Variants in RABEP1 observed in about 807,000 individuals in gnomAD.
The protein encoded by RABEP1 is rab GTPase-binding effector protein 1.
RABEP1 carries 51 observed loss-of-function variants against 123.4 expected under a neutral mutation model. That is an observed-to-expected ratio of 0.41 (90% confidence interval 0.33 to 0.52). The LOEUF is 0.52. RABEP1 is among the 20% of genes least tolerant of loss of function. The pLI is 0.16. For synonymous variants in RABEP1, 347 were observed against 355.2 expected (o/e 0.98, Z 0.26); for missense variants, 888 against 996.3 (o/e 0.89, Z 1.46).
chr17:5,307,011 A>G (rs2075185173), intron 1 of RABEP1, among the ~76,000 whole-genome samples: 1 of 152,140 alleles, frequency 6.6e-6, no homozygotes, highest in Admixed American at 6.6e-5. Flanking sequence ...ATCTGCATAG[A>G]AGAGAACTTT....
intron 11 of RABEP1, among the ~76,000 whole-genome samples, chr17:5,365,465 C>G (rs369185325): frequency 6.6e-6 from 1 of 152,204 alleles, no homozygotes; most frequent in East Asian, 1.9e-4. Flanking sequence ...TTCTGATTCT[C>G]CTTTCCTTTA....
chr17:5,318,421 G>A (rs1189675132), intron 2 of RABEP1, among the ~76,000 whole-genome samples: 2 of 152,146 alleles, frequency 1.3e-5, no homozygotes, highest in Non-Finnish European at 2.9e-5. Context: ...GTAAGCCAAT[G>A]TAAGTAAAAA....
intron 5 of RABEP1, 161 bp downstream of exon 5, chr17:5,338,299 C>A (rs547563926): frequency 1.2e-6 from 1 of 866,632 alleles, no homozygotes; most frequent in Non-Finnish European, 1.6e-6. Flanking sequence ...AGGTGGCTCA[C>A]GCCTGTAATC....
intron 7 of RABEP1, among the ~76,000 whole-genome samples, chr17:5,353,992 A>G (rs562165895): frequency 2.0e-5 from 3 of 152,156 alleles, no homozygotes; most frequent in African/African-American, 7.2e-5. Context: ...CTCAAAAACA[A>G]ACTTTTTCAT....
At position 5,319,340 on chromosome 17, in the gene RABEP1, A is replaced by C. The variant is rs928142684; in HGVS notation, c.163+10518A>C. ...GAGACTCTGTCTCAAAAAAAAAAAA[A>C]ACAAAAAAACAAAAAAAAAAAACAT... On this transcript the variant is annotated intron_variant, in intron 2 of 17. Coordinates refer to ENST00000537505, the MANE Select transcript of RABEP1 (RefSeq NM_004703.6). 8.2e-5 allele frequency among the ~76,000 whole-genome samples: 10 copies of C among 121,372 alleles called. 1 individual carries two copies. The East Asian group carries it at 1.1e-3, about 13-fold the overall frequency. 79.6% of individuals were successfully genotyped at this position (121,372 alleles called of 152,430 possible).
intron 14 of RABEP1, 54 bp downstream of exon 14, chr17:5,377,359 TAAA>T: frequency 6.9e-7 from 1 of 1,443,310 alleles, no homozygotes; most frequent in East Asian, 2.3e-5. Context: ...AAAACTTTAG[TAAA>T]AGAAGCAATA....
intron 13 of RABEP1, among the ~76,000 whole-genome samples, chr17:5,376,892 A>T (rs1369248551): frequency 6.6e-6 from 1 of 152,228 alleles, no homozygotes; most frequent in Non-Finnish European, 1.5e-5. Flanking sequence ...AGGGAAGAGT[A>T]TGTGGCTTAC....
At chr17:5,319,516 G>A (rs1305675516) in intron 2 of RABEP1, among the ~76,000 whole-genome samples, 2 of 151,578 alleles carry the variant, frequency 1.3e-5, no homozygotes, top group African/African-American at 2.4e-5. Flanking sequence ...ACAGGCGCCC[G>A]CCACCACACC....
intron 12 of RABEP1, among the ~76,000 whole-genome samples, chr17:5,369,741 C>T (rs1910375698): frequency 1.3e-5 from 2 of 151,638 alleles, no homozygotes; most frequent in African/African-American, 4.9e-5. Flanking sequence ...GCTTTTGTTG[C>T]CTAGGCTGGA....
chr17:5,378,446 G>T (rs1157905331), intron 15 of RABEP1: 9 of 634,822 alleles, frequency 1.4e-5, no homozygotes, highest in Non-Finnish European at 2.6e-5. Flanking sequence ...AGGAGGTAAG[G>T]CTAAGATGTG....
At chr17:5,288,691 G>C (rs567103416) in intron 1 of RABEP1, among the ~76,000 whole-genome samples, 1 of 151,788 alleles carries the variant, frequency 6.6e-6, no homozygotes, top group East Asian at 1.9e-4. Flanking sequence ...CACTGCGCCT[G>C]GCCTATTTTA....
intron 13 of RABEP1, among the ~76,000 whole-genome samples, chr17:5,374,308 G>A (rs1256056328): frequency 6.6e-6 from 1 of 151,852 alleles, no homozygotes; most frequent in African/African-American, 2.4e-5. Context: ...CCTCACGTGA[G>A]CCACCATGCC....
chr17:5,288,851 G>T (rs2075004463), intron 1 of RABEP1, among the ~76,000 whole-genome samples: 1 of 151,202 alleles, frequency 6.6e-6, no homozygotes, highest in Non-Finnish European at 1.5e-5. Flanking sequence ...TTACAGGCGT[G>T]CACCACTACA....
intron 1 of RABEP1, among the ~76,000 whole-genome samples, chr17:5,288,435 G>A (rs936387782): frequency 1.3e-5 from 2 of 152,036 alleles, no homozygotes; most frequent in African/African-American, 4.8e-5. Flanking sequence ...TCGCTCAGTC[G>A]CCCAGGCTAG....
rs368864089 is a variant in RABEP1, at chr17:5,290,891, G to C, written c.34+8371G>C. Among the ~76,000 whole-genome samples, 25 of 152,188 alleles carry C rather than the reference G, an allele frequency of 1.6e-4. 1 individual carries two copies. In the East Asian group the frequency reaches 3.3e-3, roughly 20 times the overall value. On this transcript the variant is annotated intron_variant, in intron 1 of 17. Coordinates refer to ENST00000537505, the MANE Select transcript of RABEP1 (RefSeq NM_004703.6). Reference sequence around the variant, plus strand: ...ATTACAGGTGTGTGCCACCAGACTTGGATGCATTAATTATATTTTTTAATC... The same window carrying C: ...ATTACAGGTGTGTGCCACCAGACTTCGATGCATTAATTATATTTTTTAATC...
At chr17:5,343,974 C>G (rs937143549) in intron 5 of RABEP1, among the ~76,000 whole-genome samples, 1 of 151,892 alleles carries the variant, frequency 6.6e-6, no homozygotes, top group African/African-American at 2.4e-5. Flanking sequence ...CTGTGCCTGG[C>G]CCAAGGTTTC....
intron 8 of RABEP1, among the ~76,000 whole-genome samples, chr17:5,354,776 C>A (rs1432516688): frequency 6.6e-6 from 1 of 152,098 alleles, no homozygotes; most frequent in Admixed American, 6.6e-5. Context: ...TCTGCAAAAT[C>A]TTTTTTGATG....
At position 5,386,320 on chromosome 17, in the gene RABEP1, A is replaced by G. The variant is rs1911972935; in HGVS notation, c.*3097A>G. 1 of 1,354,924 alleles carries G rather than the reference A, an allele frequency of 7.4e-7. No homozygotes were observed. Among genetic ancestry groups the G allele is most frequent in the East Asian group, 2.3e-5 (1 of 42,930 alleles). 83.9% of individuals were successfully genotyped at this position (1,354,924 alleles called of 1,614,324 possible). A position where few individuals can be genotyped will look rare whatever the true frequency, so the allele number is the denominator to read the frequency against. ...TTTGGAATTATAATAAACCATTTATATGGATTCTTAAGAATTTAAACTGGT... is the reference window on the plus strand; with the variant it reads ...TTTGGAATTATAATAAACCATTTATGTGGATTCTTAAGAATTTAAACTGGT... On this transcript the variant is annotated 3_prime_UTR_variant, in exon 18 of 18. Transcript: ENST00000537505.
chr17:5,289,085 T>G (rs1041664529), intron 1 of RABEP1, among the ~76,000 whole-genome samples: 3 of 152,180 alleles, frequency 2.0e-5, no homozygotes, highest in African/African-American at 4.8e-5. Context: ...CTGGCTGGCT[T>G]GCTTCCTTCC....
Sources: gnomAD v4.1 joint callset for allele counts (sites outside exome capture counted in the v4.1 genomes callset) on GRCh38, gnomAD v4.1.1 for gene constraint, MANE v1.5 for transcripts, NCBI Gene and HGNC (gene_info 2026-07-23, HGNC 2026-07-21) for gene names.